The following SCFD2 variants were observed in gnomAD, a reference collection of about 807,000 sequenced individuals.
SCFD2 encodes sec1 family domain-containing protein 2.
SCFD2 carries 54 observed loss-of-function variants against 58.9 expected under a neutral mutation model. The observed-to-expected ratio is 0.92, with a 90% CI of 0.74 to 1.15. The LOEUF (loss-of-function observed/expected upper bound fraction) is 1.15. Among genes scored for constraint, SCFD2 ranks in the 50% most tolerant of loss-of-function variants. The pLI is 0.00. For missense variants in SCFD2, 805 were observed against 836.6 expected, an observed-to-expected ratio of 0.96 and a Z score of 0.47; for synonymous variants, 321 against 335.9, an observed-to-expected ratio of 0.96 and a Z score of 0.49.
intron 5 of SCFD2, among the ~76,000 whole-genome samples, chr4:52,987,370 G>T (rs554778272): frequency 6.6e-6 from 1 of 152,190 alleles, no homozygotes; most frequent in Non-Finnish European, 1.5e-5. Context: ...TTCTTTTGTT[G>T]TAGTTATTTA....
chr4:53,049,444 ATTAAC>A (rs1261867504), intron 5 of SCFD2, among the ~76,000 whole-genome samples: 1 of 152,214 alleles, frequency 6.6e-6, no homozygotes, highest in Non-Finnish European at 1.5e-5. Flanking sequence ...CATAACCTAT[ATTAAC>A]TTATTTAGTC....
chr4:53,313,896 T>A, intron 2 of SCFD2, 133 bp from the exon 3 acceptor site: 1 of 672,014 alleles, frequency 1.5e-6, no homozygotes, highest in Non-Finnish European at 2.4e-6. Context: ...CTCTAAGTAT[T>A]AGGATTAAAT....
chr4:52,981,329 CT>C (rs1486994410), intron 5 of SCFD2, among the ~76,000 whole-genome samples: 1 of 152,126 alleles, frequency 6.6e-6, no homozygotes, highest in African/African-American at 2.4e-5. Context: ...GTCTCCTGCC[CT>C]GCTTTAATTT....
chr4:53,341,332 C>T lies in SCFD2; in HGVS notation c.1007+11266G>A, dbSNP rs145711628. ...CATGCACAAGCTTCAGTAGCCAATTCGATCAAGTGGAAGAAAGGGTATCAG... is the reference window on the plus strand; with the variant it reads ...CATGCACAAGCTTCAGTAGCCAATTTGATCAAGTGGAAGAAAGGGTATCAG... On this transcript the variant is annotated intron_variant, in intron 2 of 8. Coordinates refer to ENST00000401642, the MANE Select transcript of SCFD2 (RefSeq NM_152540.4). Among the ~76,000 whole-genome samples, 312 of 152,090 alleles carry T rather than the reference C, an allele frequency of 2.1e-3. 9 individuals carry two copies. In the East Asian group the frequency reaches 0.055, roughly 27 times the overall value.
In SCFD2 at chr4:52,907,540, C is replaced by A; in HGVS notation, c.1759G>T (p.Glu587Ter). ...KQVVEEIFHP[E>*]RPDSVDIEHM... Reference sequence around the variant, plus strand: ...TCAATATCAACGGAATCTGGCCTCTCGGGATGAAATATTTCCTCCACAACT... The same window carrying A: ...TCAATATCAACGGAATCTGGCCTCTAGGGATGAAATATTTCCTCCACAACT... The change falls in exon 7 of 9, where the codon GAG becomes TAG. Residue 587 changes from glutamate (E) to a stop codon, truncating the protein, a stop_gained. Transcript: ENST00000401642. LOFTEE classifies it high-confidence loss of function. 2.5e-6 allele frequency: 4 copies of A among 1,613,920 alleles called. No homozygotes were observed. Among genetic ancestry groups the A allele is most frequent in the Non-Finnish European group, 3.4e-6 (4 of 1,179,888 alleles).
At chr4:53,077,542 A>G (rs1724013545) in intron 5 of SCFD2, among the ~76,000 whole-genome samples, 1 of 152,056 alleles carries the variant, frequency 6.6e-6, no homozygotes, top group Non-Finnish European at 1.5e-5. Flanking sequence ...GGTTCAAACA[A>G]TTCTCCTGTC....
At chr4:53,104,576 T>C (rs949223302) in intron 5 of SCFD2, among the ~76,000 whole-genome samples, 71 of 152,348 alleles carry the variant, frequency 4.7e-4, no homozygotes, top group African/African-American at 1.6e-3. Context: ...TTAATAATAC[T>C]GTATTGTTAC....
At chr4:53,331,766 T>TA (rs1356859381) in intron 2 of SCFD2, among the ~76,000 whole-genome samples, 1 of 151,710 alleles carries the variant, frequency 6.6e-6, no homozygotes, top group Non-Finnish European at 1.5e-5. Flanking sequence ...CTGAAGGAAA[T>TA]AGAGACACAA....
chr4:52,897,872 G>T (rs753626806), intron 7 of SCFD2, among the ~76,000 whole-genome samples: 12 of 152,094 alleles, frequency 7.9e-5, no homozygotes, highest in Non-Finnish European at 1.3e-4. Context: ...CTTCTTCCTG[G>T]TTTAGTCTTG....
chr4:53,015,617 T>C (rs1207859763), intron 5 of SCFD2, among the ~76,000 whole-genome samples: 3 of 152,138 alleles, frequency 2.0e-5, no homozygotes, highest in African/African-American at 4.8e-5. Context: ...AACTTGAGTG[T>C]ACCCAACCCC....
At position 53,352,729 on chromosome 4, in the gene SCFD2, CT is replaced by C. The variant is rs774612449; in HGVS notation, c.875del (p.Lys292ArgfsTer16). ...VGHHGDNLVE[K>X]IISALPQLPG... is the part of the protein sequence containing the mutation. ...GGAGCTGGGGAAGTGCTGAAATGAT[CT>C]TCTCTACTAAGTTGTCTCCATGATG... On this transcript the variant is annotated frameshift_variant, in exon 2 of 9. Transcript: ENST00000401642. LOFTEE classifies it high-confidence loss of function. The C allele has an allele frequency of 1.5e-5, 24 of 1,614,116 alleles. 1 individual carries two copies. The South Asian group carries it at 2.4e-4, about 16-fold the overall frequency.
intron 4 of SCFD2, among the ~76,000 whole-genome samples, chr4:53,215,038 C>A (rs576230007): frequency 2.0e-5 from 3 of 152,220 alleles, no homozygotes; most frequent in South Asian, 2.1e-4. Context: ...CAGTACCACG[C>A]TGTTTTGGTT....
intron 1 of SCFD2, among the ~76,000 whole-genome samples, chr4:53,355,476 G>A (rs949500664): frequency 3.3e-5 from 5 of 152,122 alleles, no homozygotes; most frequent in Admixed American, 6.5e-5. Context: ...GACTAGGAAA[G>A]GGCAGAGCTA....
chr4:52,879,054 G>C (rs1718544326), intron 8 of SCFD2, among the ~76,000 whole-genome samples: 1 of 151,908 alleles, frequency 6.6e-6, no homozygotes, highest in African/African-American at 2.4e-5. Context: ...ACAGGCCTGA[G>C]TGTCATTCAG....
rs10007589 is a variant in SCFD2, at chr4:53,141,404, T to C, written c.1561+3929A>G. Among the ~76,000 whole-genome samples, 1,089 of 152,266 alleles carry C rather than the reference T, an allele frequency of 7.2e-3. 12 individuals are homozygous for C. Among genetic ancestry groups the C allele is most frequent in the African/African-American group, 0.025 (1,042 of 41,566 alleles). On this transcript the variant is annotated intron_variant, in intron 5 of 8. Transcript: ENST00000401642. ...AATTACTATGATGAACAACCTCTTG[T>C]CTTTTGACAAGATTGATCAAAAACC...
At chr4:53,145,103 C>T (rs527847798) in intron 5 of SCFD2, among the ~76,000 whole-genome samples, 131 of 152,274 alleles carry the variant, frequency 8.6e-4, no homozygotes, top group African/African-American at 3.0e-3. Context: ...TGAGGTGGAA[C>T]GGTTTCATCA....
At chr4:52,955,885 T>C (rs1251360214) in intron 5 of SCFD2, 2 of 356,116 alleles carry the variant, frequency 5.6e-6, no homozygotes, top group Non-Finnish European at 1.1e-5. Context: ...CATGCTCTAA[T>C]TGAAGGAAAG....
At chr4:52,884,923 C>T (rs959119161) in intron 8 of SCFD2, among the ~76,000 whole-genome samples, 1 of 152,190 alleles carries the variant, frequency 6.6e-6, no homozygotes, top group Non-Finnish European at 1.5e-5. Context: ...ATTCTCAAGC[C>T]TCTTCTGATT....
intron 3 of SCFD2, among the ~76,000 whole-genome samples, chr4:53,284,298 T>C (rs1316349926): frequency 1.3e-5 from 2 of 152,068 alleles, no homozygotes; most frequent in Non-Finnish European, 2.9e-5. Context: ...TTCATTTTTC[T>C]TATTGATTGT....
Sources: gnomAD v4.1 joint callset for allele counts (sites outside exome capture counted in the v4.1 genomes callset) on GRCh38, gnomAD v4.1.1 for gene constraint, MANE v1.5 for transcripts, NCBI Gene and HGNC (gene_info 2026-07-23, HGNC 2026-07-21) for gene names.